UGDH: variants seen among roughly 807,000 people sequenced by gnomAD.
UGDH encodes the protein UDP-Glc dehydrogenase.
Under a neutral mutation model 50.6 loss-of-function variants are expected in UGDH, and 38 were observed. That is an observed-to-expected ratio of 0.75 (90% CI 0.58 to 0.98). The LOEUF is 0.98. Among genes scored for constraint, UGDH ranks in the 50% least tolerant of loss-of-function variants. UGDH has a pLI of 0.00. For missense variants in UGDH, 465 were observed against 606.2 expected (o/e 0.77, Z 2.45); for synonymous variants, 168 against 199.9 (o/e 0.84, Z 1.35).
At chr4:39,526,873 C>G (rs1746918962) in intron 1 of UGDH, among the ~76,000 whole-genome samples, 1 of 152,116 alleles carries the variant, frequency 6.6e-6, no homozygotes, top group South Asian at 2.1e-4. Flanking sequence ...AAAGCAGGAG[C>G]CCCTCAGGTG....
In UGDH at chr4:39,505,662, T is replaced by TGCAA; in HGVS notation, c.992_993insTTGC (p.Ala332CysfsTer14). ...TTTTGAATGCAAATCCCAAAATAGC[T>TGCAA]ATCTTCTTATCAGTTACTGTATTAA... is the stretch of plus-strand genomic sequence containing the variant. On this transcript the variant is annotated frameshift_variant, in exon 8 of 12. Coordinates refer to ENST00000316423, the MANE Select transcript of UGDH (RefSeq NM_003359.4). LOFTEE classifies it high-confidence loss of function. 1 of 1,608,512 alleles carries TGCAA rather than the reference T, an allele frequency of 6.2e-7. No individual in the cohort carries two copies. Among genetic ancestry groups the TGCAA allele is most frequent in the Non-Finnish European group, 8.5e-7 (1 of 1,177,172 alleles).
intron 7 of UGDH, among the ~76,000 whole-genome samples, chr4:39,506,234 A>T (rs1331855587): frequency 2.7e-4 from 7 of 26,130 alleles, no homozygotes; most frequent in South Asian, 1.6e-3. Context: ...CCGTAAATTT[A>T]AAAAAAAAAA....
Position 39,500,184 on chromosome 4 carries a change from A to C in UGDH, c.1444T>G (p.Phe482Val), listed in dbSNP as rs1239210469. The C allele has an allele frequency of 6.2e-7, 1 of 1,605,274 alleles. No homozygotes were observed. The highest frequency in any genetic ancestry group is 2.2e-5 in the East Asian group (1 of 44,792). ...PYAPSGEIPKFSLQDPPNKKP... is the reference protein window; with the variant it reads ...PYAPSGEIPKVSLQDPPNKKP... ...TTGTTAGGTGGATCTTGAAGACTAA[A>C]CTTCGGAATTTCACCAGAAGGAGCA... The change falls in exon 12 of 12, where the codon TTT becomes GTT. Residue 482 changes from phenylalanine to valine, a missense_variant. Coordinates refer to ENST00000316423, the MANE Select transcript of UGDH (RefSeq NM_003359.4).
intron 3 of UGDH, among the ~76,000 whole-genome samples, chr4:39,512,641 A>G (rs1746285659): frequency 6.6e-6 from 1 of 152,038 alleles, no homozygotes; most frequent in Non-Finnish European, 1.5e-5. Flanking sequence ...TCACCTAAAA[A>G]TTAGACTAAG....
In UGDH at chr4:39,500,038, C is replaced by T. The variant is rs370656620; in HGVS notation, c.*105G>A. Reference sequence around the variant, plus strand: ...GTGAGACTCTGTCTCAAAAAAAAAACAAAAAAAAACACTTGGTTCATTTAC... The same window carrying T: ...GTGAGACTCTGTCTCAAAAAAAAAATAAAAAAAAACACTTGGTTCATTTAC... On this transcript the variant is annotated 3_prime_UTR_variant, in exon 12 of 12. Transcript: ENST00000316423. 176 of 581,980 alleles carry T rather than the reference C, an allele frequency of 3.0e-4. 4 individuals carry two copies. In the South Asian group the frequency reaches 4.9e-3, roughly 16 times the overall value. The allele number at this position is 581,980 out of a possible 1,614,324, so 36.1% of individuals were successfully genotyped here.
intron 11 of UGDH, among the ~76,000 whole-genome samples, chr4:39,500,991 G>A (rs1025050567): frequency 2.7e-5 from 4 of 147,934 alleles, no homozygotes; most frequent in Non-Finnish European, 5.9e-5. Flanking sequence ...TTGAGATGGA[G>A]TCTTGCCCTG....
intron 2 of UGDH, among the ~76,000 whole-genome samples, chr4:39,516,679 G>A (rs902861995): frequency 6.6e-6 from 1 of 152,144 alleles, no homozygotes; most frequent in Admixed American, 6.6e-5. Context: ...TAAGTAATTG[G>A]AGGATGTGAA....
At chr4:39,501,355 A>G (rs1460192152) in intron 11 of UGDH, among the ~76,000 whole-genome samples, 9 of 150,934 alleles carry the variant, frequency 6.0e-5, no homozygotes, top group Non-Finnish European at 1.2e-4. Flanking sequence ...GCTCACTGCA[A>G]GCTCTGCCTC....
intron 7 of UGDH, among the ~76,000 whole-genome samples, chr4:39,507,942 C>CAAA (rs34122254): frequency 1.3e-5 from 1 of 76,556 alleles, no homozygotes; most frequent in Admixed American, 1.4e-4. Context: ...GATCTTGTCT[C>CAAA]AAAAAAAAAA....
Position 39,525,505 on chromosome 4 carries a change from TC to T in UGDH, c.-8+1777del, listed in dbSNP as rs1746842452. Among the ~76,000 whole-genome samples, 4 of 88,474 alleles carry T rather than the reference TC, an allele frequency of 4.5e-5. No individual in the cohort carries two copies. In the South Asian group the frequency reaches 1.1e-3, roughly 25 times the overall value. The allele number at this position is 88,474 out of a possible 152,430, so 58.0% of individuals were successfully genotyped here. ...CACTGCGCCCAGCCCCATTTTCTTTTCTTTTTCTTTTTTTTTTTTGAGACGT... is the reference window on the plus strand; with the variant it reads ...CACTGCGCCCAGCCCCATTTTCTTTTTTTTTCTTTTTTTTTTTTGAGACGT... On this transcript the variant is annotated intron_variant, in intron 1 of 11. Coordinates refer to ENST00000316423, the MANE Select transcript of UGDH (RefSeq NM_003359.4).
intron 5 of UGDH, 26 bp downstream of exon 5, chr4:39,510,327 T>C: frequency 6.2e-7 from 1 of 1,608,020 alleles, no homozygotes; most frequent in Non-Finnish European, 8.5e-7. Context: ...TTTAATTTAA[T>C]GAAGAGTTGA....
At chr4:39,512,254 G>A (rs1432714898) in intron 3 of UGDH, among the ~76,000 whole-genome samples, 1 of 152,188 alleles carries the variant, frequency 6.6e-6, no homozygotes, top group Non-Finnish European at 1.5e-5. Flanking sequence ...CTAATAGTAA[G>A]TAGTACTAAC....
chr4:39,518,056 G>A (rs1746503941), intron 2 of UGDH, among the ~76,000 whole-genome samples: 1 of 152,012 alleles, frequency 6.6e-6, no homozygotes, highest in South Asian at 2.1e-4. Context: ...AGCCTCCCGA[G>A]TAGCTGGGGC....
intron 6 of UGDH, among the ~76,000 whole-genome samples, 160 bp downstream of exon 6, chr4:39,509,600 A>G (rs1746153696): frequency 1.3e-5 from 2 of 152,218 alleles, no homozygotes; most frequent in Admixed American, 1.3e-4. Flanking sequence ...AGTTGCACAA[A>G]TTTCCCTGAG....
At chr4:39,510,585 G>A (rs372274420) in intron 4 of UGDH, 35 bp from the exon 5 acceptor site, 6 of 1,613,812 alleles carry the variant, frequency 3.7e-6, no homozygotes, top group Non-Finnish European at 5.1e-6. Context: ...TTTTAAGCTA[G>A]AATTAATTAT....
rs896604093 is a variant in UGDH, at chr4:39,506,484, T to C, written c.907-736A>G. Reference sequence around the variant, plus strand: ...CCCAAAGTATTCCTTCATTTGCTTGTGCCCCACTATTCACAAAAATTCAGT... The same window carrying C: ...CCCAAAGTATTCCTTCATTTGCTTGCGCCCCACTATTCACAAAAATTCAGT... On this transcript the variant is annotated intron_variant, in intron 7 of 11. Coordinates refer to ENST00000316423, the MANE Select transcript of UGDH (RefSeq NM_003359.4). 6.6e-5 allele frequency among the ~76,000 whole-genome samples: 10 copies of C among 152,318 alleles called. No individual in the cohort carries two copies. In the East Asian group the frequency reaches 1.5e-3, roughly 24 times the overall value.
At position 39,499,197 on chromosome 4, in the gene UGDH, A is replaced by AT. The variant is rs1255560870; in HGVS notation, c.*945_*946insA. On this transcript the variant is annotated 3_prime_UTR_variant, in exon 12 of 12. Transcript: ENST00000316423. ...TTTGGCTTTTGGACTAAAAAAAAAAAGATTAGTGAGGAAAACCAATAAATA... is the reference window on the plus strand; with the variant it reads ...TTTGGCTTTTGGACTAAAAAAAAAAATGATTAGTGAGGAAAACCAATAAATA... The AT allele has an allele frequency of 8.7e-5, 13 of 150,236 alleles. No individual in the cohort carries two copies. Among genetic ancestry groups the AT allele is most frequent in the Non-Finnish European group, 1.9e-4 (13 of 67,272 alleles). The allele number at this position is 150,236 out of a possible 1,614,324, so 9.3% of individuals were successfully genotyped here.
At chr4:39,500,651 CTCT>C (rs1295348826) in intron 11 of UGDH, among the ~76,000 whole-genome samples, 1 of 106,600 alleles carries the variant, frequency 9.4e-6, no homozygotes, top group Non-Finnish European at 2.0e-5. Context: ...CAGCATAATT[CTCT>C]TTTTTTTTTT....
intron 6 of UGDH, among the ~76,000 whole-genome samples, 164 bp from the exon 7 acceptor site, chr4:39,508,824 C>T (rs1048342374): frequency 2.0e-5 from 3 of 151,582 alleles, no homozygotes; most frequent in African/African-American, 7.3e-5. Context: ...AATTTGCAGG[C>T]AACTAAACAA....
Sources: allele counts gnomAD v4.1 joint callset (sites outside exome capture counted in the v4.1 genomes callset), GRCh38; gene constraint gnomAD v4.1.1; transcripts MANE v1.5; gene names NCBI Gene and HGNC (gene_info 2026-07-23, HGNC 2026-07-21).